The following NUDT9 variants were observed in gnomAD, a reference collection of about 807,000 sequenced individuals.
The protein encoded by NUDT9 is ADP-ribose pyrophosphatase.
Under a neutral mutation model 41.0 loss-of-function variants are expected in NUDT9, and 31 were observed. The observed-to-expected ratio is 0.76, with a 90% CI of 0.57 to 1.02. The LOEUF is 1.02. Among genes scored for constraint, NUDT9 ranks in the 50% least tolerant of loss-of-function variants. The pLI, the probability that NUDT9 is intolerant of heterozygous loss-of-function variation, is 0.00. For missense variants in NUDT9, 380 were observed against 431.4 expected (o/e 0.88, Z 1.06); for synonymous variants, 146 against 147.6 (o/e 0.99, Z 0.08).
chr4:87,431,330 A>G (rs933979014), intron 1 of NUDT9, among the ~76,000 whole-genome samples: 1 of 152,198 alleles, frequency 6.6e-6, no homozygotes. Flanking sequence ...TGTGATTACT[A>G]TAGCTGTGTA....
rs1722605335 is a variant in NUDT9 at position 87,449,235 on chromosome 4, A to C, written c.624A>C (p.Gly208=). ...TTGCAATAAAAAGGAAAGACTGTGG[A>C]GAATGGGCAATCCCAGGGGTAAGCA... The part of the protein sequence containing the change: ...QFVAIKRKDC[G]EWAIPGGMVD... Residue 208 remains glycine (G), a synonymous_variant, in exon 5 of 8, where the codon GGA becomes GGC. Transcript: ENST00000302174. 6.3e-7 allele frequency: 1 copy of C among 1,585,012 alleles called. No homozygotes were observed. The highest frequency in any genetic ancestry group is 8.7e-7 in the Non-Finnish European group (1 of 1,153,792).
intron 7 of NUDT9, among the ~76,000 whole-genome samples, chr4:87,457,632 A>T (rs1723045351): frequency 6.6e-6 from 1 of 152,006 alleles, no homozygotes; most frequent in South Asian, 2.1e-4. Context: ...AAATTTAGGG[A>T]CTTGGTTAAA....
intron 2 of NUDT9, among the ~76,000 whole-genome samples, chr4:87,435,745 A>G (rs1721902962): frequency 6.6e-6 from 1 of 152,218 alleles, no homozygotes; most frequent in African/African-American, 2.4e-5. Flanking sequence ...CTAAATTCAT[A>G]GAAGTGCCGC....
chr4:87,448,139 T>A (rs1464619139), intron 4 of NUDT9, among the ~76,000 whole-genome samples: 1 of 31,436 alleles, frequency 3.2e-5, no homozygotes, highest in Non-Finnish European at 5.8e-5. Context: ...TAAAAGCAAA[T>A]TTTTTTTTTT....
intron 1 of NUDT9, among the ~76,000 whole-genome samples, chr4:87,430,898 G>T (rs1721657689): frequency 6.7e-6 from 1 of 150,348 alleles, no homozygotes; most frequent in South Asian, 2.1e-4. Context: ...TTTCTCTCTT[G>T]ATTGTGTCTT....
intron 1 of NUDT9, among the ~76,000 whole-genome samples, chr4:87,424,790 T>C (rs1721331583): frequency 6.6e-6 from 1 of 152,208 alleles, no homozygotes; most frequent in Non-Finnish European, 1.5e-5. Flanking sequence ...ATGCTCTTTT[T>C]GTTAGATGCC....
At chr4:87,424,610 A>G (rs913432029) in intron 1 of NUDT9, among the ~76,000 whole-genome samples, 15 of 152,194 alleles carry the variant, frequency 9.9e-5, no homozygotes, top group African/African-American at 3.1e-4. Flanking sequence ...TTGTAGGTCA[A>G]TATTCCAACA....
chr4:87,459,077 G>A lies in NUDT9; in HGVS notation c.*1056G>A, dbSNP rs1723105638. 6.6e-6 allele frequency: 1 copy of A among 152,218 alleles called. No homozygotes were observed. Among genetic ancestry groups the A allele is most frequent in the African/African-American group, 2.4e-5 (1 of 41,442 alleles). 9.4% of individuals were successfully genotyped at this position (152,218 alleles called of 1,614,324 possible). A position where few individuals can be genotyped will look rare whatever the true frequency, so the allele number is the denominator to read the frequency against. On this transcript the variant is annotated 3_prime_UTR_variant, in exon 8 of 8. Transcript: ENST00000302174. The stretch of plus-strand genomic sequence containing the variant: ...CAGTGATAGACTGGATAAAGACAAT[G>A]TGGTATATGTACACCATGGAATACT...
chr4:87,424,831 A>G (rs914279529), intron 1 of NUDT9, among the ~76,000 whole-genome samples: 1 of 152,158 alleles, frequency 6.6e-6, no homozygotes, highest in Non-Finnish European at 1.5e-5. Flanking sequence ...CTTGACAGTT[A>G]TTCTTCGTTT....
intron 3 of NUDT9, among the ~76,000 whole-genome samples, chr4:87,441,046 A>T (rs1044508397): frequency 6.6e-6 from 1 of 152,210 alleles, no homozygotes; most frequent in African/African-American, 2.4e-5. Context: ...TCACTGGGAA[A>T]AAAGAATAAA....
chr4:87,441,444 G>A (rs1211495100), intron 3 of NUDT9, among the ~76,000 whole-genome samples: 1 of 152,156 alleles, frequency 6.6e-6, no homozygotes, highest in African/African-American at 2.4e-5. Context: ...AATTTTAATA[G>A]GAAGGGTTGT....
chr4:87,449,001 T>C, intron 4 of NUDT9, 141 bp from the exon 5 acceptor site: 1 of 556,768 alleles, frequency 1.8e-6, no homozygotes, highest in South Asian at 2.2e-5. Flanking sequence ...AATCAATAGT[T>C]TTAAATAAAA....
chr4:87,454,144 T>G (rs972855125), intron 6 of NUDT9, among the ~76,000 whole-genome samples: 10 of 152,160 alleles, frequency 6.6e-5, no homozygotes, highest in Non-Finnish European at 1.0e-4. Context: ...ATTACAGGCG[T>G]GAGCCACCGC....
chr4:87,454,012 A>G (rs904326924), intron 6 of NUDT9, among the ~76,000 whole-genome samples: 7 of 150,964 alleles, frequency 4.6e-5, no homozygotes, highest in African/African-American at 1.7e-4. Context: ...GGCACCTACC[A>G]CCATGCATGG....
At chr4:87,425,965 C>A (rs1212516268) in intron 1 of NUDT9, among the ~76,000 whole-genome samples, 1 of 151,908 alleles carries the variant, frequency 6.6e-6, no homozygotes, top group Non-Finnish European at 1.5e-5. Context: ...CACTACCAGG[C>A]CTGGCTAATT....
At chr4:87,425,303 T>C (rs940199582) in intron 1 of NUDT9, among the ~76,000 whole-genome samples, 1 of 151,360 alleles carries the variant, frequency 6.6e-6, no homozygotes, top group Non-Finnish European at 1.5e-5. Flanking sequence ...AGCTCAGGAG[T>C]TGAGTTTGAG....
At chr4:87,428,539 A>G (rs959329500) in intron 1 of NUDT9, among the ~76,000 whole-genome samples, 2 of 17,768 alleles carry the variant, frequency 1.1e-4, no homozygotes, top group Admixed American at 6.8e-4. Context: ...ATGGGATATT[A>G]TATTATTTAG....
In NUDT9 at chr4:87,443,030, A is replaced by G. The variant is rs1722282905; in HGVS notation, c.530+1115A>G. Among the ~76,000 whole-genome samples, 3 of 152,216 alleles carry G rather than the reference A, an allele frequency of 2.0e-5. No homozygotes were observed. In the South Asian group the frequency reaches 6.2e-4, roughly 31 times the overall value. On this transcript the variant is annotated intron_variant, in intron 4 of 7. Coordinates refer to ENST00000302174, the MANE Select transcript of NUDT9 (RefSeq NM_024047.5). Reference sequence around the variant, plus strand: ...ATAGTCACTTATTATCAAGTATTATATACTGTATGTGATTGTACTCTTATG... The same window carrying G: ...ATAGTCACTTATTATCAAGTATTATGTACTGTATGTGATTGTACTCTTATG...
chr4:87,447,904 C>T (rs938666856), intron 4 of NUDT9, among the ~76,000 whole-genome samples: 4 of 151,732 alleles, frequency 2.6e-5, no homozygotes, highest in South Asian at 2.1e-4. Context: ...TGGTGGCCCA[C>T]GCCTGTAGTC....
Sources: allele counts gnomAD v4.1 joint callset (sites outside exome capture counted in the v4.1 genomes callset), GRCh38; gene constraint gnomAD v4.1.1; transcripts MANE v1.5; gene names NCBI Gene and HGNC (gene_info 2026-07-23, HGNC 2026-07-21).